ANO8: variants seen among roughly 807,000 people sequenced by gnomAD.
The protein encoded by ANO8 is anoctamin 8.
Under a neutral mutation model 120.4 loss-of-function variants are expected in ANO8, and 67 were observed. The ratio of observed to expected loss-of-function variants is 0.56; its 90% CI spans 0.46 to 0.68. The LOEUF (loss-of-function observed/expected upper bound fraction) is 0.68, where lower values mean the gene tolerates loss of function less well. Among genes scored for constraint, ANO8 ranks in the 30% least tolerant of loss-of-function variants. The pLI, the probability that ANO8 is intolerant of heterozygous loss-of-function variation, is 0.00. For missense variants in ANO8, 1,526 were observed against 1,737.6 expected (o/e 0.88, Z 2.16); for synonymous variants, 727 against 759.2 (o/e 0.96, Z 0.70).
rs1437098416 is a variant in ANO8, at chr19:17,333,382, G to C, written c.350+40C>G. ...TGGCACTTGGTAGAGCGGGGAGTCG[G>C]GTGGCAGGCTCAGCGAGAGGCCAGG... On this transcript the variant is annotated intron_variant, in intron 3 of 17. Coordinates refer to ENST00000159087, the MANE Select transcript of ANO8 (RefSeq NM_020959.3). The surrounding 1 kb of genome is among the most constrained non-coding windows in gnomAD (Gnocchi z 7.2). 6 of 1,613,082 alleles carry C rather than the reference G, an allele frequency of 3.7e-6. No homozygotes were observed. The South Asian group carries it at 4.4e-5, about 12-fold the overall frequency.
intron 1 of ANO8, 61 bp downstream of exon 1, chr19:17,334,504 T>C: frequency 7.4e-7 from 1 of 1,345,494 alleles, no homozygotes; most frequent in Non-Finnish European, 1.0e-6. Context: ...CCTCCCCGTG[T>C]AGTTGACGCG....
Position 17,325,361 on chromosome 19 carries a change from C to T in ANO8, c.2687G>A (p.Arg896His), listed in dbSNP as rs578235436. 3.4e-5 allele frequency: 55 copies of T among 1,594,348 alleles called. No individual in the cohort carries two copies. Among genetic ancestry groups the T allele is most frequent in the African/African-American group, 2.1e-4 (16 of 74,904 alleles). ...CCGCCTGCGCTGCTGCTGCTGGTAGCGATGCTGGGCCTGGCGCTCGTGTCT... is the reference window on the plus strand; with the variant it reads ...CCGCCTGCGCTGCTGCTGCTGGTAGTGATGCTGGGCCTGGCGCTCGTGTCT... ...FKRHERQAQH[R>H]YQQQQRRRRE... Residue 896 changes from arginine (R) to histidine (H), a missense_variant, in exon 17 of 18, where the codon CGC becomes CAC. Coordinates refer to ENST00000159087, the MANE Select transcript of ANO8 (RefSeq NM_020959.3).
In ANO8 at chr19:17,334,754, C is replaced by G. The variant is rs1459754860; in HGVS notation, c.-84G>C. The G allele has an allele frequency of 8.1e-6, 10 of 1,232,340 alleles. No individual in the cohort carries two copies. The highest frequency in any genetic ancestry group is 3.7e-5 in the South Asian group (2 of 53,708). 76.3% of individuals were successfully genotyped at this position (1,232,340 alleles called of 1,614,324 possible). ...TCATGGGGCCGGTGCAGCCGCGGAG[C>G]GCGCGGGAGGAGGAGACAAAGGCCG... On this transcript the variant is annotated 5_prime_UTR_variant, in exon 1 of 18. Coordinates refer to ENST00000159087, the MANE Select transcript of ANO8 (RefSeq NM_020959.3).
chr19:17,327,615 C>A (rs2074281376), intron 14 of ANO8, 46 bp from the exon 15 acceptor site: 1 of 1,610,080 alleles, frequency 6.2e-7, no homozygotes, highest in Non-Finnish European at 8.5e-7. Flanking sequence ...CCGGCCTCCC[C>A]AGACCCCAGG....
intron 13 of ANO8, 30 bp downstream of exon 13, chr19:17,328,132 G>A (rs1285827020): frequency 1.1e-5 from 13 of 1,231,454 alleles, no homozygotes; most frequent in Non-Finnish European, 6.6e-6. Flanking sequence ...GCGAGGCCCC[G>A]CCCCCTGCGA....
chr19:17,329,041 C>A lies in ANO8; in HGVS notation c.1405-58G>T, dbSNP rs1476839277. ...TGGGGGGCAAGCGGGGCGCCGGGATCGGGGGACTCACCCTCCCTGGGCGCC... is the reference window on the plus strand; with the variant it reads ...TGGGGGGCAAGCGGGGCGCCGGGATAGGGGGACTCACCCTCCCTGGGCGCC... On this transcript the variant is annotated intron_variant, in intron 12 of 17. Transcript: ENST00000159087. The A allele has an allele frequency of 1.0e-5, 14 of 1,340,960 alleles. No homozygotes were observed. The Admixed American group carries it at 3.6e-4, about 35-fold the overall frequency. The allele number at this position is 1,340,960 out of a possible 1,614,324, so 83.1% of individuals were successfully genotyped here. A position where few individuals can be genotyped will look rare whatever the true frequency, so the allele number is the denominator to read the frequency against.
At position 17,325,338 on chromosome 19, in the gene ANO8, G is replaced by T; in HGVS notation, c.2710C>A (p.Arg904=). 1 of 1,601,386 alleles carries T rather than the reference G, an allele frequency of 6.2e-7. No individual in the cohort carries two copies. Among genetic ancestry groups the T allele is most frequent in the Non-Finnish European group, 8.5e-7 (1 of 1,178,668 alleles). Reference sequence around the variant, plus strand: ...CGCTGTCGCTCCTCCTCCTCCCGCCGCCTGCGCTGCTGCTGCTGGTAGCGA... The same window carrying T: ...CGCTGTCGCTCCTCCTCCTCCCGCCTCCTGCGCTGCTGCTGCTGGTAGCGA... ...QHRYQQQQRR[R]REEEERQRHA... is the part of the protein sequence containing the mutation. The change falls in exon 17 of 18, where the codon CGG becomes AGG. Residue 904 remains arginine, a synonymous_variant. Coordinates refer to ENST00000159087, the MANE Select transcript of ANO8 (RefSeq NM_020959.3).
chr19:17,328,979 A>G lies in ANO8; in HGVS notation c.1409T>C (p.Leu470Pro). ...CTGGCGGGTGATCAGCAGCGTGGCC[A>G]GCATCTGGGGGCAGGAAGGGGAAGG... ...LKDMERLKEM[L>P]ATLLITRQFL... Residue 470 changes from leucine (L) to proline (P), a missense_variant, in exon 13 of 18, where the codon CTG becomes CCG. Physicochemically the swap from Leu to Pro is moderately conservative, Grantham distance 98 (BLOSUM62 -3). Coordinates refer to ENST00000159087, the MANE Select transcript of ANO8 (RefSeq NM_020959.3). 6.7e-7 allele frequency: 1 copy of G among 1,493,988 alleles called. No individual in the cohort carries two copies. The highest frequency in any genetic ancestry group is 8.9e-7 in the Non-Finnish European group (1 of 1,123,236). The allele number at this position is 1,493,988 out of a possible 1,614,324, so 92.5% of individuals were successfully genotyped here.
In ANO8 at chr19:17,334,491, C is replaced by T. The variant is rs1599553081; in HGVS notation, c.106+74G>A. 4.7e-6 allele frequency: 6 copies of T among 1,287,788 alleles called. No individual in the cohort carries two copies. The East Asian group carries it at 8.8e-5, about 19-fold the overall frequency. 79.8% of individuals were successfully genotyped at this position (1,287,788 alleles called of 1,614,324 possible). Reference sequence around the variant, plus strand: ...ACGCCAGGTTACGTTTGACCCTGATCCTCCTCCCCGTGTAGTTGACGCGGG... The same window carrying T: ...ACGCCAGGTTACGTTTGACCCTGATTCTCCTCCCCGTGTAGTTGACGCGGG... On this transcript the variant is annotated intron_variant, in intron 1 of 17. Coordinates refer to ENST00000159087, the MANE Select transcript of ANO8 (RefSeq NM_020959.3).
Position 17,328,926 on chromosome 19 carries a change from G to A in ANO8, c.1462C>T (p.Gln488Ter), listed in dbSNP as rs2074296800. Reference protein sequence around the residue: ...QFLQNVREVLQPHLYRRLGRG... With the variant: ...QFLQNVREVL Reference sequence around the variant, plus strand: ...CCCAGGCGCCGGTACAGGTGCGGCTGCAGGACCTCGCGCACGTTCTGGAGG... The same window carrying A: ...CCCAGGCGCCGGTACAGGTGCGGCTACAGGACCTCGCGCACGTTCTGGAGG... Residue 488 changes from glutamine (Q) to a stop codon, truncating the protein, a stop_gained, in exon 13 of 18, where the codon CAG becomes TAG. Coordinates refer to ENST00000159087, the MANE Select transcript of ANO8 (RefSeq NM_020959.3). LOFTEE classifies it high-confidence loss of function. 6.6e-7 allele frequency: 1 copy of A among 1,511,188 alleles called. No homozygotes were observed. The highest frequency in any genetic ancestry group is 8.8e-7 in the Non-Finnish European group (1 of 1,132,336). 93.6% of individuals were successfully genotyped at this position (1,511,188 alleles called of 1,614,324 possible).
chr19:17,331,993 A>G (rs2074322623), intron 5 of ANO8, among the ~76,000 whole-genome samples: 1 of 118,254 alleles, frequency 8.5e-6, no homozygotes, highest in Admixed American at 1.0e-4. Context: ...GGAGTGCAGT[A>G]GTGCGATCTC....
intron 13 of ANO8, 80 bp downstream of exon 13, chr19:17,328,082 C>T: frequency 7.1e-7 from 1 of 1,410,772 alleles, no homozygotes; most frequent in Non-Finnish European, 9.4e-7. Context: ...CCACTCCCAC[C>T]CCCACGGCCT....
intron 12 of ANO8, 102 bp downstream of exon 12, chr19:17,329,655 G>A: frequency 1.2e-6 from 1 of 814,428 alleles, no homozygotes. Flanking sequence ...ATGGAGGAGG[G>A]GAGGGAGGGG....
chr19:17,324,949 G>A lies in ANO8; in HGVS notation c.3099C>T (p.Pro1033=), dbSNP rs750469847. The A allele has an allele frequency of 2.0e-5, 33 of 1,613,160 alleles. No homozygotes were observed. The highest frequency in any genetic ancestry group is 1.6e-4 in the Middle Eastern group (1 of 6,084). Residue 1033 remains proline (P), a synonymous_variant, in exon 17 of 18, where the codon CCC becomes CCT. Transcript: ENST00000159087. The part of the protein sequence containing the change: ...AFLSFKFLKS[P]ETRRDSERSH... ...TGCGCTCAGAGTCCCGCCGGGTCTC[G>A]GGTGACTTGAGGAACTTGAAGCTGA...
rs2074265414 is a variant in ANO8, at chr19:17,325,136, G to A, written c.2912C>T (p.Ala971Val). Residue 971 changes from alanine (A) to valine (V), a missense_variant, in exon 17 of 18, where the codon GCA becomes GTA. Physicochemically the swap from Ala to Val is moderately conservative, Grantham distance 64. Around this residue, in one of 8 missense-constraint regions of ANO8, gnomAD observed 489 missense variants for 548.6 expected, o/e 0.89. Coordinates refer to ENST00000159087, the MANE Select transcript of ANO8 (RefSeq NM_020959.3). ...ERPKRPGSLL[A>V]PNNVMKLKQI... ...CTTCAACTTCATGACGTTGTTGGGT[G>A]CCAGCAGGGACCCTGGGCGCTTGGG... 6.2e-7 allele frequency: 1 copy of A among 1,613,678 alleles called. No homozygotes were observed. The highest frequency in any genetic ancestry group is 8.5e-7 in the Non-Finnish European group (1 of 1,179,946).
In ANO8 at chr19:17,328,698, G is replaced by A; in HGVS notation, c.1690C>T (p.Arg564Trp). 2 of 1,071,336 alleles carry A rather than the reference G, an allele frequency of 1.9e-6. No individual in the cohort carries two copies. Among genetic ancestry groups the A allele is most frequent in the Non-Finnish European group, 2.5e-6 (2 of 806,560 alleles). 66.4% of individuals were successfully genotyped at this position (1,071,336 alleles called of 1,614,324 possible). The change falls in exon 13 of 18, where the codon CGG (arginine) becomes TGG (tryptophan). Residue 564 changes from arginine (R) to tryptophan (W), a missense_variant. Transcript: ENST00000159087. Reference sequence around the variant, plus strand: ...TCCCCGCCTTCCCCCGCCCGCCGCCGCTCCACCAGCGCCGCCTCCTCCTCC... The same window carrying A: ...TCCCCGCCTTCCCCCGCCCGCCGCCACTCCACCAGCGCCGCCTCCTCCTCC... ...EEEEEAALVERRRAGEGGEEG... is the reference protein window; with the variant it reads ...EEEEEAALVEWRRAGEGGEEG...
In ANO8 at chr19:17,330,010, A is replaced by G. The variant is rs759521738; in HGVS notation, c.1278T>C (p.Asn426=). The G allele has an allele frequency of 6.2e-7, 1 of 1,613,612 alleles. No individual in the cohort carries two copies. Among genetic ancestry groups the G allele is most frequent in the South Asian group, 1.1e-5 (1 of 91,068 alleles). The stretch of plus-strand genomic sequence containing the variant: ...TCTCATAGGCGCTCTCCAGCCGGTA[A>G]TTTTCTAGGGGCCAAGGGGGGGAGT... The part of the protein sequence containing the change: ...KLAIWLNDME[N]YRLESAYEKH... The change falls in exon 11 of 18, where the codon AAT becomes AAC. Residue 426 remains asparagine (N), a synonymous_variant. Transcript: ENST00000159087.
Position 17,323,827 on chromosome 19 carries a change from G to A in ANO8, c.3389C>T (p.Pro1130Leu). The change falls in exon 18 of 18, where the codon CCC (proline) becomes CTC (leucine). Residue 1130 changes from proline to leucine, a missense_variant. Coordinates refer to ENST00000159087, the MANE Select transcript of ANO8 (RefSeq NM_020959.3). ...CAGCGGCATTGGCGGCGGCGGCGCG[G>A]GGCTCCGGCTGCGGCGGGTGCGGAG... is the stretch of plus-strand genomic sequence containing the variant. ...PALRTRRSRS[P>L]APPPPMPLPR... The A allele has an allele frequency of 5.3e-6, 6 of 1,135,114 alleles. No individual in the cohort carries two copies. Among genetic ancestry groups the A allele is most frequent in the Non-Finnish European group, 5.4e-6 (5 of 925,994 alleles). The allele number at this position is 1,135,114 out of a possible 1,614,324, so 70.3% of individuals were successfully genotyped here. A position where few individuals can be genotyped will look rare whatever the true frequency, so the allele number is the denominator to read the frequency against.
In ANO8 at chr19:17,330,909, C is replaced by T. The variant is rs757218140; in HGVS notation, c.912G>A (p.Arg304=). The change falls in exon 8 of 18, where the codon CGG becomes CGA. Residue 304 remains arginine, a synonymous_variant. Transcript: ENST00000159087. ...WSTLFLEEWK[R]RGAELAYKWG... ...ACTTATATGCCAGCTCAGCCCCTCT[C>T]CGCTTCCATTCCTCTAGGAACAGCG... The T allele has an allele frequency of 6.2e-7, 1 of 1,614,210 alleles. No individual in the cohort carries two copies. Among genetic ancestry groups the T allele is most frequent in the Admixed American group, 1.7e-5 (1 of 60,026 alleles).
Sources: allele counts gnomAD v4.1 joint callset (sites outside exome capture counted in the v4.1 genomes callset), GRCh38; gene constraint gnomAD v4.1.1; regional missense constraint gnomAD v4.1.1; non-coding constraint Gnocchi (gnomAD v3.1); transcripts MANE v1.5; gene names NCBI Gene and HGNC (gene_info 2026-07-23, HGNC 2026-07-21).